Variants in KCNMB4 observed in about 807,000 individuals in gnomAD.
KCNMB4 encodes the protein calcium-activated potassium channel subunit beta-4.
A neutral mutation model predicts 20.7 loss-of-function variants in KCNMB4; 3 were observed. The observed-to-expected ratio is 0.14, with a 90% CI of 0.07 to 0.37. The LOEUF is 0.37. Among genes scored for constraint, KCNMB4 ranks in the 10% least tolerant of loss-of-function variants. The pLI, the probability that KCNMB4 is intolerant of heterozygous loss-of-function variation, is 1.00. For synonymous variants in KCNMB4, 110 were observed against 113.4 expected (o/e 0.97, Z 0.19); for missense variants, 168 against 265.9 (o/e 0.63, Z 2.56).
intron 1 of KCNMB4, among the ~76,000 whole-genome samples, chr12:70,371,145 A>C (rs1043223361): frequency 2.0e-5 from 3 of 152,112 alleles, no homozygotes; most frequent in African/African-American, 7.2e-5. Context: ...GCGTGAGCCA[A>C]CACGCCCGGT....
At chr12:70,372,626 G>C (rs1043555231) in intron 1 of KCNMB4, among the ~76,000 whole-genome samples, 1 of 152,216 alleles carries the variant, frequency 6.6e-6, no homozygotes, top group African/African-American at 2.4e-5. Flanking sequence ...AAAACTAAAG[G>C]AATAGTAGGT....
chr12:70,421,897 T>TA (rs1374365098), intron 2 of KCNMB4, among the ~76,000 whole-genome samples: 1 of 145,338 alleles, frequency 6.9e-6, no homozygotes, highest in Admixed American at 6.8e-5. Flanking sequence ...TTTTTTTTTT[T>TA]AACGAAGTTA....
intron 2 of KCNMB4, among the ~76,000 whole-genome samples, chr12:70,400,811 A>G (rs977856691): frequency 1.3e-5 from 2 of 152,184 alleles, no homozygotes; most frequent in African/African-American, 4.8e-5. Flanking sequence ...CAGATTAATC[A>G]GTAATTTATT....
intron 1 of KCNMB4, among the ~76,000 whole-genome samples, chr12:70,387,838 TTA>T (rs1271982953): frequency 1.3e-5 from 2 of 152,188 alleles, no homozygotes; most frequent in African/African-American, 2.4e-5. Flanking sequence ...GTTATACTCT[TTA>T]AGTTATTTTA....
Position 70,366,716 on chromosome 12 carries a change from C to A in KCNMB4, c.-19C>A, listed in dbSNP as rs780649197. ...GGAGGGGGCGGGGGGAGCACGCCAG[C>A]CGCCGAGAGTGGGGGGCGATGGCGA... On this transcript the variant is annotated 5_prime_UTR_variant, in exon 1 of 3. Transcript: ENST00000258111. 6.5e-7 allele frequency: 1 copy of A among 1,534,832 alleles called. No homozygotes were observed. The highest frequency in any genetic ancestry group is 8.8e-7 in the Non-Finnish European group (1 of 1,142,208).
rs1182950280 is a variant in KCNMB4, at chr12:70,401,191, A to G, written c.464+855A>G. ...CAGGCACACACCACCACAGCTGGCTAATTCGTGTATTTTTAGTAGAGACAG... is the reference window on the plus strand; with the variant it reads ...CAGGCACACACCACCACAGCTGGCTGATTCGTGTATTTTTAGTAGAGACAG... On this transcript the variant is annotated intron_variant, in intron 2 of 2. Transcript: ENST00000258111. Among the ~76,000 whole-genome samples the G allele has an allele frequency of 5.3e-5, 8 of 151,890 alleles. No individual in the cohort carries two copies. In the East Asian group the frequency reaches 1.5e-3, roughly 29 times the overall value.
rs765309715 is a variant in KCNMB4 at position 70,366,777 on chromosome 12, G to T, written c.43G>T (p.Asp15Tyr). The T allele has an allele frequency of 6.2e-7, 1 of 1,611,414 alleles. No individual in the cohort carries two copies. The highest frequency in any genetic ancestry group is 1.1e-5 in the South Asian group (1 of 91,022). Reference sequence around the variant, plus strand: ...GGCTTACGAGTACACGGAAGCCGAGGACAAGAGCATCCGGCTCGGCTTGTT... The same window carrying T: ...GGCTTACGAGTACACGGAAGCCGAGTACAAGAGCATCCGGCTCGGCTTGTT... The part of the protein sequence containing the change: ...RVAYEYTEAE[D>Y]KSIRLGLFLI... The change falls in exon 1 of 3, where the codon GAC becomes TAC. Residue 15 changes from aspartate (D) to tyrosine (Y), a missense_variant. Coordinates refer to ENST00000258111, the MANE Select transcript of KCNMB4 (RefSeq NM_014505.6).
chr12:70,400,798 A>G (rs1343764705), intron 2 of KCNMB4, among the ~76,000 whole-genome samples: 3 of 152,152 alleles, frequency 2.0e-5, no homozygotes, highest in Non-Finnish European at 4.4e-5. Context: ...TTTGGTACCC[A>G]CTCAGATTAA....
chr12:70,377,951 T>C (rs1341203993), intron 1 of KCNMB4, among the ~76,000 whole-genome samples: 1 of 132,802 alleles, frequency 7.5e-6, no homozygotes, highest in Non-Finnish European at 1.6e-5. Flanking sequence ...AAGCTCTACT[T>C]CTTTTTTTTT....
intron 2 of KCNMB4, among the ~76,000 whole-genome samples, chr12:70,426,293 CAAAAAAAA>C (rs11320040): frequency 1.9e-3 from 208 of 109,012 alleles, no homozygotes; most frequent in African/African-American, 6.2e-3. Flanking sequence ...GATTCCGTCT[CAAAAAAAA>C]AAAAAGAAAA....
chr12:70,425,858 G>A (rs11178234), intron 2 of KCNMB4, among the ~76,000 whole-genome samples: 31,666 of 152,186 alleles, frequency 0.21, 3,768 homozygotes, highest in Middle Eastern at 0.32. Context: ...AGCATTTTTA[G>A]CTGGGCGCAG....
chr12:70,431,691 C>T lies in KCNMB4; in HGVS notation c.*1038C>T, dbSNP rs1220204719. 6.6e-6 allele frequency: 1 copy of T among 152,092 alleles called. No individual in the cohort carries two copies. Among genetic ancestry groups the T allele is most frequent in the African/African-American group, 2.4e-5 (1 of 41,418 alleles). The allele number at this position is 152,092 out of a possible 1,614,324, so 9.4% of individuals were successfully genotyped here. ...CATTGCTACTGATGAGCTTTCTGTG[C>T]CTTTATCAAAAGTTGATTGAGAAGA... is the stretch of plus-strand genomic sequence containing the variant. On this transcript the variant is annotated 3_prime_UTR_variant, in exon 3 of 3. Coordinates refer to ENST00000258111, the MANE Select transcript of KCNMB4 (RefSeq NM_014505.6).
intron 1 of KCNMB4, among the ~76,000 whole-genome samples, chr12:70,392,983 AT>A (rs1418389875): frequency 5.3e-5 from 8 of 151,740 alleles, no homozygotes; most frequent in South Asian, 4.1e-4. Context: ...TAATAAAAAA[AT>A]AATAAAATTT....
chr12:70,402,121 C>T (rs1037511798), intron 2 of KCNMB4, among the ~76,000 whole-genome samples: 1 of 152,184 alleles, frequency 6.6e-6, no homozygotes, highest in African/African-American at 2.4e-5. Context: ...GAACTATGTG[C>T]ACTTCCCAGA....
At chr12:70,379,796 T>G (rs1883753006) in intron 1 of KCNMB4, among the ~76,000 whole-genome samples, 1 of 152,212 alleles carries the variant, frequency 6.6e-6, no homozygotes, top group African/African-American at 2.4e-5. Flanking sequence ...GCTTCCTCAC[T>G]TCTGGCAGCC....
chr12:70,405,236 A>G (rs780363612), intron 2 of KCNMB4, among the ~76,000 whole-genome samples: 33 of 152,224 alleles, frequency 2.2e-4, no homozygotes, highest in Non-Finnish European at 2.8e-4. Flanking sequence ...CAAACTATAT[A>G]TCTGCTAAAG....
intron 2 of KCNMB4, among the ~76,000 whole-genome samples, chr12:70,418,026 A>G (rs560176564): frequency 6.6e-6 from 1 of 152,210 alleles, no homozygotes; most frequent in Non-Finnish European, 1.5e-5. Flanking sequence ...ATCAAAATTC[A>G]TGGGGAAAAT....
At chr12:70,407,319 C>G (rs1490099324) in intron 2 of KCNMB4, among the ~76,000 whole-genome samples, 2 of 152,066 alleles carry the variant, frequency 1.3e-5, no homozygotes, top group African/African-American at 4.8e-5. Flanking sequence ...TGCACCAACC[C>G]AGGAGCTCTG....
chr12:70,368,160 A>G (rs966682543), intron 1 of KCNMB4, among the ~76,000 whole-genome samples: 5 of 152,170 alleles, frequency 3.3e-5, no homozygotes, highest in African/African-American at 1.2e-4. Context: ...CCAAAAGGGA[A>G]TGCATCTTGT....
Sources: gnomAD v4.1 joint callset for allele counts (sites outside exome capture counted in the v4.1 genomes callset) on GRCh38, gnomAD v4.1.1 for gene constraint, MANE v1.5 for transcripts, NCBI Gene and HGNC (gene_info 2026-07-23, HGNC 2026-07-21) for gene names.